CAPN14: variants seen among roughly 807,000 people sequenced by gnomAD.
CAPN14 encodes the protein calpain-14.
In CAPN14, 94 loss-of-function variants were observed where a neutral mutation model predicts 101.3. The ratio of observed to expected loss-of-function variants is 0.93; its 90% CI spans 0.79 to 1.10. The LOEUF (loss-of-function observed/expected upper bound fraction) is 1.10, where lower values mean the gene tolerates loss of function less well. Ranked by LOEUF, CAPN14 falls within the 50% of genes least tolerant of loss-of-function variation. The pLI, the probability that CAPN14 is intolerant of heterozygous loss-of-function variation, is 0.00. For missense variants in CAPN14, 837 were observed against 828.4 expected (o/e 1.01, Z -0.13); for synonymous variants, 338 against 317.9 (o/e 1.06, Z -0.67).
At position 31,189,343 on chromosome 2, in the gene CAPN14, GCAC is replaced by G. The variant is rs1423736250; in HGVS notation, c.1420_1422del (p.Val474del). ...TTCTGGTGGGCCTCCAATATGCAGG[GCAC>G]GATGAGGTACGTCCCTGGTTCCAGA... On this transcript the variant is annotated inframe_deletion, in exon 13 of 22. Transcript: ENST00000403897. The G allele has an allele frequency of 3.5e-5, 55 of 1,551,610 alleles. No homozygotes were observed. Among genetic ancestry groups the G allele is most frequent in the Non-Finnish European group, 4.4e-5 (51 of 1,147,018 alleles).
At chr2:31,181,061 G>A in intron 16 of CAPN14, 61 bp from the exon 17 acceptor site, 2 of 1,382,778 alleles carry the variant, frequency 1.4e-6, no homozygotes, top group Non-Finnish European at 2.0e-6. Flanking sequence ...CCCCTTTTCT[G>A]AGCAGGAAGA....
chr2:31,220,235 T>G (rs892475818), upstream of CAPN14, among the ~76,000 whole-genome samples: 1 of 152,212 alleles, frequency 6.6e-6, no homozygotes, highest in Non-Finnish European at 1.5e-5. Context: ...AGTACTGAGA[T>G]AGTAAATAAT....
At position 31,187,775 on chromosome 2, in the gene CAPN14, T is replaced by C. The variant is rs1434157753; in HGVS notation, c.1570A>G (p.Thr524Ala). 5 of 1,551,624 alleles carry C rather than the reference T, an allele frequency of 3.2e-6. No individual in the cohort carries two copies. The East Asian group carries it at 9.8e-5, about 30-fold the overall frequency. ...DQNERQDEFFTKFFEKHPEIN... is the reference protein window; with the variant it reads ...DQNERQDEFFAKFFEKHPEIN... ...CAACTAACCTTTTCAAAGAATTTGG[T>C]GAAGAATTCATCCTGCCTTTCATTT... The change falls in exon 15 of 22, where the codon ACC (threonine) becomes GCC (alanine). Residue 524 changes from threonine (T) to alanine (A), a missense_variant. Thr to Ala is a moderately conservative substitution (Grantham distance 58, BLOSUM62 0). Coordinates refer to ENST00000403897, the MANE Select transcript of CAPN14 (RefSeq NM_001145122.2).
At chr2:31,184,853 T>C (rs1680828622) in intron 16 of CAPN14, among the ~76,000 whole-genome samples, 1 of 152,240 alleles carries the variant, frequency 6.6e-6, no homozygotes, top group Non-Finnish European at 1.5e-5. Flanking sequence ...TGTACGAGCT[T>C]ATTTAGCAGC....
intron 2 of CAPN14, among the ~76,000 whole-genome samples, chr2:31,204,632 C>G (rs998395397): frequency 1.3e-5 from 2 of 152,124 alleles, no homozygotes; most frequent in African/African-American, 4.8e-5. Context: ...GTAAGGAGCT[C>G]TGAATATCTG....
At chr2:31,189,727 AAAC>A (rs2148679922) in intron 12 of CAPN14, 1 of 587,566 alleles carries the variant, frequency 1.7e-6, no homozygotes, top group Non-Finnish European at 3.2e-6. Context: ...CTTACCTTAA[AAAC>A]AACACCAGCA....
At chr2:31,212,706 T>C (rs1398210691) in intron 1 of CAPN14, among the ~76,000 whole-genome samples, 1 of 152,218 alleles carries the variant, frequency 6.6e-6, no homozygotes, top group Non-Finnish European at 1.5e-5. Context: ...GTTCAGTTCA[T>C]TCACACATTT....
intron 1 of CAPN14, among the ~76,000 whole-genome samples, chr2:31,207,920 C>A (rs7560477): frequency 5.1e-4 from 77 of 152,292 alleles, no homozygotes; most frequent in African/African-American, 1.7e-3. Flanking sequence ...TGGTTCTGCT[C>A]TGAGTGATGT....
At chr2:31,215,058 T>C (rs578252242) in intron 1 of CAPN14, among the ~76,000 whole-genome samples, 3 of 152,102 alleles carry the variant, frequency 2.0e-5, no homozygotes, top group African/African-American at 7.2e-5. Flanking sequence ...GTCACTCTGT[T>C]CCCCTCCAGC....
intron 2 of CAPN14, among the ~76,000 whole-genome samples, chr2:31,223,519 C>A (rs1292019024): frequency 6.7e-6 from 1 of 150,276 alleles, no homozygotes; most frequent in Non-Finnish European, 1.5e-5. Context: ...TACTAAGCTT[C>A]TGTTTCTTTT....
Position 31,174,470 on chromosome 2 carries a change from G to C in CAPN14, c.*211C>G, listed in dbSNP as rs1680196283. 4.9e-6 allele frequency: 3 copies of C among 608,764 alleles called. No homozygotes were observed. The highest frequency in any genetic ancestry group is 8.7e-6 in the Non-Finnish European group (3 of 343,862). The allele number at this position is 608,764 out of a possible 1,614,324, so 37.7% of individuals were successfully genotyped here. A position where few individuals can be genotyped will look rare whatever the true frequency, so the allele number is the denominator to read the frequency against. On this transcript the variant is annotated 3_prime_UTR_variant, in exon 22 of 22. Coordinates refer to ENST00000403897, the MANE Select transcript of CAPN14 (RefSeq NM_001145122.2). ...AAGGATGGCTAGCTTTTACAAATCTGATGTAATCTTTACTTCCTCCCTTCC... is the reference window on the plus strand; with the variant it reads ...AAGGATGGCTAGCTTTTACAAATCTCATGTAATCTTTACTTCCTCCCTTCC...
intron 19 of CAPN14, 45 bp from the exon 20 acceptor site, chr2:31,177,187 C>T (rs746153333): frequency 4.4e-6 from 6 of 1,348,790 alleles, no homozygotes; most frequent in East Asian, 2.5e-5. Flanking sequence ...GGGGCTTGCA[C>T]CCAGCTCCCC....
rs1029349113 is a variant in CAPN14 at position 31,173,495 on chromosome 2, T to C, written c.*1186A>G. The C allele has an allele frequency of 1.3e-5, 2 of 152,234 alleles. No homozygotes were observed. Among genetic ancestry groups the C allele is most frequent in the Non-Finnish European group, 2.9e-5 (2 of 68,040 alleles). 9.4% of individuals were successfully genotyped at this position (152,234 alleles called of 1,614,324 possible). On this transcript the variant is annotated 3_prime_UTR_variant, in exon 22 of 22. Transcript: ENST00000403897. ...AAATTAAGATTAAATAGAATACAGG[T>C]TGACTATCTCTTAACTAAAATGCTT...
chr2:31,189,337 T>C lies in CAPN14; in HGVS notation c.1429A>G (p.Ile477Val). The change falls in exon 13 of 22, where the codon ATA becomes GTA. Residue 477 changes from isoleucine to valine, a missense_variant. Physicochemically the swap from Ile to Val is conservative, Grantham distance 29. Coordinates refer to ENST00000403897, the MANE Select transcript of CAPN14 (RefSeq NM_001145122.2). ...TCTGACTTCTGGTGGGCCTCCAATA[T>C]GCAGGGCACGATGAGGTACGTCCCT... The part of the protein sequence containing the change: ...EPGTYLIVPC[I>V]LEAHQKSEFV... 6.4e-7 allele frequency: 1 copy of C among 1,551,746 alleles called. No individual in the cohort carries two copies. Among genetic ancestry groups the C allele is most frequent in the Non-Finnish European group, 8.7e-7 (1 of 1,147,010 alleles).
intron 1 of CAPN14, among the ~76,000 whole-genome samples, chr2:31,211,954 G>C (rs1355335305): frequency 6.6e-6 from 1 of 152,140 alleles, no homozygotes; most frequent in Admixed American, 6.5e-5. Flanking sequence ...TAATGGAAAT[G>C]TTCTATATTG....
intron 16 of CAPN14, among the ~76,000 whole-genome samples, chr2:31,181,914 G>A (rs1176081202): frequency 2.0e-5 from 3 of 151,366 alleles, no homozygotes; most frequent in African/African-American, 4.9e-5. Context: ...TCTTAATCCA[G>A]TCTATCATTG....
chr2:31,221,564 C>G (rs1435721155), upstream of CAPN14, among the ~76,000 whole-genome samples: 1 of 151,646 alleles, frequency 6.6e-6, no homozygotes, highest in Non-Finnish European at 1.5e-5. Flanking sequence ...TTTTGGTTTA[C>G]TTTTGGCTTT....
intron 1 of CAPN14, among the ~76,000 whole-genome samples, chr2:31,211,230 GAAAGAAAA>G (rs1572433913): frequency 8.6e-6 from 1 of 116,048 alleles, no homozygotes; most frequent in East Asian, 3.1e-4. Flanking sequence ...AAGAGAGAAA[GAAAGAAAA>G]AGAGAGAAAG....
chr2:31,212,382 G>A (rs1212863699), intron 1 of CAPN14, among the ~76,000 whole-genome samples: 1 of 150,434 alleles, frequency 6.6e-6, no homozygotes, highest in Admixed American at 6.6e-5. Flanking sequence ...CCTCAATATA[G>A]TTGATTCAAA....
Sources: gnomAD v4.1 joint callset for allele counts (sites outside exome capture counted in the v4.1 genomes callset) on GRCh38, gnomAD v4.1.1 for gene constraint, MANE v1.5 for transcripts, NCBI Gene and HGNC (gene_info 2026-07-23, HGNC 2026-07-21) for gene names.